Variants in CFAP54 observed in about 807,000 individuals in gnomAD.
The protein encoded by CFAP54 is cilia- and flagella-associated protein 54.
A neutral mutation model predicts 370.4 loss-of-function variants in CFAP54; 290 were observed. The observed-to-expected ratio is 0.78, with a 90% CI of 0.71 to 0.86. The LOEUF (loss-of-function observed/expected upper bound fraction) is 0.86, where lower values mean the gene tolerates loss of function less well. CFAP54 is among the 40% of genes least tolerant of loss of function. CFAP54 has a pLI of 0.00. For synonymous variants in CFAP54, 1,206 were observed against 1,236.5 expected, an observed-to-expected ratio of 0.98 and a Z score of 0.52; for missense variants, 3,399 against 3,528.7, an observed-to-expected ratio of 0.96 and a Z score of 0.93.
At chr12:96,768,222 G>C (rs1357992664) in intron 60 of CFAP54, among the ~76,000 whole-genome samples, 4 of 152,174 alleles carry the variant, frequency 2.6e-5, no homozygotes, top group African/African-American at 9.7e-5. Flanking sequence ...TCAGAAGGGT[G>C]AGACAGGAGA....
At chr12:96,864,815 G>T (rs1457400025) in intron 67 of CFAP54, among the ~76,000 whole-genome samples, 1 of 152,012 alleles carries the variant, frequency 6.6e-6, no homozygotes, top group Non-Finnish European at 1.5e-5. Context: ...ATTACTTTAG[G>T]TTACATTCAG....
At chr12:96,793,493 A>G (rs780529832) in intron 63 of CFAP54, among the ~76,000 whole-genome samples, 13 of 152,072 alleles carry the variant, frequency 8.5e-5, no homozygotes, top group Non-Finnish European at 1.6e-4. Flanking sequence ...GCAATTGTGA[A>G]TTGTGCTGCT....
chr12:96,623,782 T>C lies in CFAP54; in HGVS notation c.3787T>C (p.Ser1263Pro), dbSNP rs1430027195. 6.5e-7 allele frequency: 1 copy of C among 1,529,628 alleles called. No individual in the cohort carries two copies. The highest frequency in any genetic ancestry group is 8.8e-7 in the Non-Finnish European group (1 of 1,142,192). The allele number at this position is 1,529,628 out of a possible 1,614,324, so 94.8% of individuals were successfully genotyped here. ...ATGTTTTTAGGATTCTTCTAAGAAG[T>C]CTTTAAAGACTAAGAAGCCACAGCA... is the stretch of plus-strand genomic sequence containing the variant. The part of the protein sequence containing the change: ...EMPEEDSSKK[S>P]LKTKKPQQIL... Residue 1263 changes from serine (S) to proline (P), a missense_variant, in exon 28 of 68, where the codon TCT (serine) becomes CCT (proline). Ser to Pro is a moderately conservative substitution (Grantham distance 74). Around this residue, in one of 3 missense-constraint regions of CFAP54, gnomAD observed 2,796 missense variants for 2,869.7 expected, o/e 0.97. Coordinates refer to ENST00000524981, the MANE Select transcript of CFAP54 (RefSeq NM_001306084.2).
At chr12:96,565,016 T>C in intron 19 of CFAP54, 1 of 233,956 alleles carries the variant, frequency 4.3e-6, no homozygotes, top group Non-Finnish European at 8.1e-6. Flanking sequence ...TCAGAAGGAC[T>C]CAAAATGAGG....
At chr12:96,802,807 T>A (rs1055154713) in intron 63 of CFAP54, among the ~76,000 whole-genome samples, 13 of 152,124 alleles carry the variant, frequency 8.5e-5, no homozygotes, top group African/African-American at 2.9e-4. Context: ...TAGGTATTTG[T>A]CCTAATGCTC....
intron 40 of CFAP54, among the ~76,000 whole-genome samples, chr12:96,681,048 A>C (rs1957263546): frequency 6.6e-6 from 1 of 151,896 alleles, no homozygotes; most frequent in Admixed American, 6.6e-5. Context: ...GTGCCACTGC[A>C]CTCCAGCCTG....
At chr12:96,833,507 CGTGTGTGTGTGT>C (rs34316003) in intron 66 of CFAP54, among the ~76,000 whole-genome samples, 1,499 of 144,156 alleles carry the variant, frequency 0.01, 11 homozygotes, top group Middle Eastern at 0.024. Flanking sequence ...CACACGCGTA[CGTGTGTGTGTGT>C]GTGTGTGTGT....
intron 39 of CFAP54, among the ~76,000 whole-genome samples, chr12:96,672,340 A>G (rs1371217906): frequency 6.6e-6 from 1 of 152,094 alleles, no homozygotes; most frequent in South Asian, 2.1e-4. Context: ...CAAGCAGGGA[A>G]GTGTGTAGGT....
At position 96,786,769 on chromosome 12, in the gene CFAP54, GCATT is replaced by G; in HGVS notation, c.8551_8554del (p.His2851PhefsTer66). On this transcript the variant is annotated frameshift_variant, in exon 62 of 68. Coordinates refer to ENST00000524981, the MANE Select transcript of CFAP54 (RefSeq NM_001306084.2). LOFTEE classifies it high-confidence loss of function. ...AGTTGATTTTGCGCCAGAAAGAAGT[GCATT>G]TTTTCCTTAAAAAATTCTTACAGCT... 1 of 1,535,770 alleles carries G rather than the reference GCATT, an allele frequency of 6.5e-7. No individual in the cohort carries two copies. Among genetic ancestry groups the G allele is most frequent in the Non-Finnish European group, 8.7e-7 (1 of 1,146,704 alleles).
chr12:96,640,584 T>C (rs1005496636), intron 32 of CFAP54, among the ~76,000 whole-genome samples: 2 of 152,136 alleles, frequency 1.3e-5, no homozygotes, highest in Non-Finnish European at 2.9e-5. Flanking sequence ...ACTTTAAAGT[T>C]CATATAGAAC....
chr12:96,582,160 A>G (rs1033039144), intron 22 of CFAP54, among the ~76,000 whole-genome samples: 21 of 152,188 alleles, frequency 1.4e-4, no homozygotes, highest in African/African-American at 5.1e-4. Context: ...TATTATGAGT[A>G]TTAAATGGAA....
At chr12:96,622,048 C>T (rs1037164732) in intron 27 of CFAP54, among the ~76,000 whole-genome samples, 3 of 151,756 alleles carry the variant, frequency 2.0e-5, no homozygotes, top group African/African-American at 7.3e-5. Context: ...TCTAAAGTCT[C>T]TTCCAAATCT....
At chr12:96,874,214 C>A (rs920202944) in intron 67 of CFAP54, among the ~76,000 whole-genome samples, 2 of 152,104 alleles carry the variant, frequency 1.3e-5, no homozygotes, top group African/African-American at 4.8e-5. Flanking sequence ...TCCAAGCAGT[C>A]AACAGGGGCA....
Position 96,630,658 on chromosome 12 carries a change from A to G in CFAP54, c.4316+7A>G, listed in dbSNP as rs1046646658. On this transcript the variant is annotated splice_region_variant and intron_variant, in intron 32 of 67. Transcript: ENST00000524981. Reference sequence around the variant, plus strand: ...AAATGGTGGCACATGAAAGGTATTCACTAATTAATTAATTCAATAAAAGTT... The same window carrying G: ...AAATGGTGGCACATGAAAGGTATTCGCTAATTAATTAATTCAATAAAAGTT... 2.1e-5 allele frequency: 31 copies of G among 1,443,178 alleles called. No individual in the cohort carries two copies. The highest frequency in any genetic ancestry group is 2.5e-5 in the Non-Finnish European group (27 of 1,091,082). 89.4% of individuals were successfully genotyped at this position (1,443,178 alleles called of 1,614,324 possible). A position where few individuals can be genotyped will look rare whatever the true frequency, so the allele number is the denominator to read the frequency against.
At chr12:96,664,773 A>ATATCTATATCTATATCTATATCTATATC (rs1565934470) in intron 39 of CFAP54, among the ~76,000 whole-genome samples, 1 of 20,310 alleles carries the variant, frequency 4.9e-5, no homozygotes, top group East Asian at 1.5e-3. Context: ...ATCTATATCT[A>ATATCTATATCTATATCTATATCTATATC]TATCTATATA....
intron 24 of CFAP54, among the ~76,000 whole-genome samples, chr12:96,593,756 C>T (rs1460652900): frequency 6.6e-6 from 1 of 151,850 alleles, no homozygotes; most frequent in Non-Finnish European, 1.5e-5. Context: ...GAAAGGCTAA[C>T]TATTCTTTTT....
chr12:96,826,791 A>C (rs1454525413), intron 65 of CFAP54, among the ~76,000 whole-genome samples: 2 of 112,628 alleles, frequency 1.8e-5, no homozygotes, highest in Non-Finnish European at 3.3e-5. Flanking sequence ...AATTATAAAT[A>C]ATATATAATT....
chr12:96,552,798 A>G (rs1014797566), intron 15 of CFAP54, among the ~76,000 whole-genome samples: 4 of 152,206 alleles, frequency 2.6e-5, no homozygotes, highest in Admixed American at 1.3e-4. Context: ...TCCCTTCTAT[A>G]GTTACCTTCG....
intron 14 of CFAP54, among the ~76,000 whole-genome samples, chr12:96,542,067 A>G (rs1174290424): frequency 6.6e-6 from 1 of 152,122 alleles, no homozygotes; most frequent in Non-Finnish European, 1.5e-5. Flanking sequence ...GGAGGAGTCC[A>G]TGGAGGGTGT....
Sources: gnomAD v4.1 joint callset for allele counts (sites outside exome capture counted in the v4.1 genomes callset) on GRCh38, gnomAD v4.1.1 for gene constraint, gnomAD v4.1.1 regional missense constraint, MANE v1.5 for transcripts, NCBI Gene and HGNC (gene_info 2026-07-23, HGNC 2026-07-21) for gene names.